RAPGEF5: variants seen among roughly 807,000 people sequenced by gnomAD.
RAPGEF5 encodes M-Ras-regulated GEF.
Under a neutral mutation model 125.2 loss-of-function variants are expected in RAPGEF5, and 65 were observed. That is an observed-to-expected ratio of 0.52 (90% CI 0.43 to 0.64). The LOEUF (loss-of-function observed/expected upper bound fraction) is 0.64. Ranked by LOEUF, RAPGEF5 falls within the 30% of genes least tolerant of loss-of-function variation. The probability of loss-of-function intolerance (pLI) is 0.00; values close to 1 mark genes in which losing one functional copy is unlikely to be tolerated. For missense variants in RAPGEF5, 958 were observed against 1,048.1 expected, an observed-to-expected ratio of 0.91 and a Z score of 1.19; for synonymous variants, 391 against 385.9, an observed-to-expected ratio of 1.01 and a Z score of -0.16.
chr7:22,198,969 C>T (rs1785213143), intron 9 of RAPGEF5, among the ~76,000 whole-genome samples: 1 of 152,190 alleles, frequency 6.6e-6, no homozygotes, highest in South Asian at 2.1e-4. Flanking sequence ...CCTAAGATGG[C>T]CAATGCTCTA....
At chr7:22,228,570 G>C (rs1785976393) in intron 8 of RAPGEF5, among the ~76,000 whole-genome samples, 1 of 151,830 alleles carries the variant, frequency 6.6e-6, no homozygotes, top group Non-Finnish European at 1.5e-5. Context: ...TGCAATGGCA[G>C]GATTTTGGCT....
intron 19 of RAPGEF5, among the ~76,000 whole-genome samples, chr7:22,146,332 C>T (rs1449386029): frequency 3.3e-5 from 5 of 152,116 alleles, no homozygotes; most frequent in Non-Finnish European, 7.4e-5. Flanking sequence ...ATTCATGAAT[C>T]GTCAGTAGCA....
At position 22,162,490 on chromosome 7, in the gene RAPGEF5, A is replaced by G. The variant is rs746777030; in HGVS notation, c.1335T>C (p.Arg445=). 1.2e-6 allele frequency: 2 copies of G among 1,608,492 alleles called. No homozygotes were observed. Among genetic ancestry groups the G allele is most frequent in the Non-Finnish European group, 8.5e-7 (1 of 1,174,954 alleles). Residue 445 remains arginine (R), a synonymous_variant, in exon 13 of 26, where the codon CGT becomes CGC. Transcript: ENST00000665637. ...CAAGATGCAAGACTTTACGTTTCCTACGCGGAACGTCTGAGTTTTCCTCTT... is the reference window on the plus strand; with the variant it reads ...CAAGATGCAAGACTTTACGTTTCCTGCGCGGAACGTCTGAGTTTTCCTCTT... ...QGKEENSDVP[R]RKRKVLHLVS...
intron 3 of RAPGEF5, 22 bp downstream of exon 3, chr7:22,315,348 A>C: frequency 6.5e-7 from 1 of 1,532,840 alleles, no homozygotes; most frequent in Non-Finnish European, 8.8e-7. Flanking sequence ...ATTTCTGACA[A>C]GGTGTTAGAA....
At chr7:22,124,344 T>C (rs1309462358) in intron 25 of RAPGEF5, among the ~76,000 whole-genome samples, 2 of 152,244 alleles carry the variant, frequency 1.3e-5, no homozygotes, top group African/African-American at 2.4e-5. Context: ...TCTGTGATGA[T>C]GTTATGATTA....
At chr7:22,318,260 T>G (rs1361626368) in intron 1 of RAPGEF5, among the ~76,000 whole-genome samples, 1 of 152,182 alleles carries the variant, frequency 6.6e-6, no homozygotes, top group African/African-American at 2.4e-5. Context: ...ATATTCCACT[T>G]CAATGGCTCC....
intron 24 of RAPGEF5, among the ~76,000 whole-genome samples, chr7:22,127,490 G>A (rs762061180): frequency 3.9e-5 from 6 of 152,190 alleles, no homozygotes; most frequent in Non-Finnish European, 7.3e-5. Context: ...TGCCATAAGA[G>A]GAACTAGAGT....
At chr7:22,245,943 G>A (rs1320665121) in intron 7 of RAPGEF5, among the ~76,000 whole-genome samples, 1 of 152,038 alleles carries the variant, frequency 6.6e-6, no homozygotes, top group African/African-American at 2.4e-5. Context: ...TAATGTTCAG[G>A]AAGAGCGCCA....
At chr7:22,209,726 G>A (rs1265231866) in intron 9 of RAPGEF5, among the ~76,000 whole-genome samples, 10 of 152,136 alleles carry the variant, frequency 6.6e-5, no homozygotes, top group Non-Finnish European at 1.5e-5. Flanking sequence ...CTAAAGAAGT[G>A]TTGTCTTAGG....
In RAPGEF5 at chr7:22,261,778, A is replaced by T. The variant is rs574322349; in HGVS notation, c.796+5186T>A. 7.9e-5 allele frequency among the ~76,000 whole-genome samples: 12 copies of T among 152,292 alleles called. No homozygotes were observed. The South Asian group carries it at 2.5e-3, about 32-fold the overall frequency. ...ACTCCCATACAAATACGCCCACATG[A>T]CTTTTGACAAAGGTGCAAAAGGAAA... is the stretch of plus-strand genomic sequence containing the variant. On this transcript the variant is annotated intron_variant, in intron 7 of 25. Transcript: ENST00000665637.
intron 1 of RAPGEF5, among the ~76,000 whole-genome samples, chr7:22,351,577 G>A (rs1488909358): frequency 1.3e-5 from 2 of 151,790 alleles, no homozygotes; most frequent in Non-Finnish European, 2.9e-5. Context: ...TTCTTCATCT[G>A]TGGAATGCAA....
chr7:22,193,697 C>A, intron 10 of RAPGEF5: 1 of 1,551,472 alleles, frequency 6.4e-7, no homozygotes, highest in Non-Finnish European at 8.7e-7. Context: ...CCCCTAAATG[C>A]TAAAAGATCT....
At chr7:22,176,219 G>A (rs894935752) in intron 11 of RAPGEF5, among the ~76,000 whole-genome samples, 2 of 152,096 alleles carry the variant, frequency 1.3e-5, no homozygotes, top group Admixed American at 1.3e-4. Context: ...AGAACTGCAG[G>A]GGAAAGACTT....
In RAPGEF5 at chr7:22,341,086, C is replaced by T. The variant is rs145492953; in HGVS notation, c.231+15744G>A. Among the ~76,000 whole-genome samples, 328 of 152,314 alleles carry T rather than the reference C, an allele frequency of 2.2e-3. 2 individuals are homozygous for T. Among genetic ancestry groups the T allele is most frequent in the African/African-American group, 7.4e-3 (308 of 41,570 alleles). On this transcript the variant is annotated intron_variant, in intron 1 of 25. Coordinates refer to ENST00000665637, the MANE Select transcript of RAPGEF5 (RefSeq NM_012294.5). ...CCCAGTGTATTACTCTGTTTTCACACTGCTGATAAAGACATACCCAGGACT... is the reference window on the plus strand; with the variant it reads ...CCCAGTGTATTACTCTGTTTTCACATTGCTGATAAAGACATACCCAGGACT...
At chr7:22,303,100 G>C (rs1028538727) in intron 5 of RAPGEF5, among the ~76,000 whole-genome samples, 1 of 152,126 alleles carries the variant, frequency 6.6e-6, no homozygotes, top group Non-Finnish European at 1.5e-5. Context: ...GCCCAAACAA[G>C]GTAGTGTTAG....
intron 25 of RAPGEF5, among the ~76,000 whole-genome samples, chr7:22,122,950 T>C (rs1418260486): frequency 6.6e-6 from 1 of 152,164 alleles, no homozygotes; most frequent in South Asian, 2.1e-4. Flanking sequence ...TCTAGAAGCG[T>C]TGAAAATCGC....
At chr7:22,277,820 A>G (rs183444380) in intron 6 of RAPGEF5, among the ~76,000 whole-genome samples, 45 of 152,316 alleles carry the variant, frequency 3.0e-4, no homozygotes, top group African/African-American at 1.0e-3. Flanking sequence ...CTCCCACAAA[A>G]GCAAGTTCTC....
intron 9 of RAPGEF5, among the ~76,000 whole-genome samples, chr7:22,196,717 CAG>C (rs781660079): frequency 6.6e-6 from 1 of 152,158 alleles, no homozygotes; most frequent in Non-Finnish European, 1.5e-5. Flanking sequence ...TACCATTAAA[CAG>C]GGGAGAATGT....
chr7:22,185,316 A>G (rs1002636076), intron 11 of RAPGEF5, among the ~76,000 whole-genome samples: 4 of 152,208 alleles, frequency 2.6e-5, no homozygotes, highest in Non-Finnish European at 5.9e-5. Context: ...TTGAATAAAT[A>G]AACTGGTGTC....
Sources: gnomAD v4.1 joint callset for allele counts (sites outside exome capture counted in the v4.1 genomes callset) on GRCh38, gnomAD v4.1.1 for gene constraint, MANE v1.5 for transcripts, NCBI Gene and HGNC (gene_info 2026-07-23, HGNC 2026-07-21) for gene names.